ABLIM3: variants seen among roughly 807,000 people sequenced by gnomAD.
The protein encoded by ABLIM3 is actin-binding LIM protein 3.
ABLIM3 carries 61 observed loss-of-function variants against 109.5 expected under a neutral mutation model. That is an observed-to-expected ratio of 0.56 (90% CI 0.45 to 0.69). ABLIM3 has a LOEUF of 0.69. Ranked by LOEUF, ABLIM3 falls within the 30% of genes least tolerant of loss-of-function variation. The pLI is 0.00. For missense variants in ABLIM3, 796 were observed against 889.5 expected, an observed-to-expected ratio of 0.89 and a Z score of 1.34; for synonymous variants, 300 against 324.8, an observed-to-expected ratio of 0.92 and a Z score of 0.82.
intron 2 of ABLIM3, among the ~76,000 whole-genome samples, chr5:149,159,584 G>C (rs1360477924): frequency 6.6e-6 from 1 of 152,142 alleles, no homozygotes; most frequent in South Asian, 2.1e-4. Context: ...TATTCCCTTA[G>C]ATAGAATAGG....
intron 2 of ABLIM3, among the ~76,000 whole-genome samples, chr5:149,171,240 G>A (rs900083287): frequency 6.6e-6 from 1 of 152,048 alleles, no homozygotes; most frequent in African/African-American, 2.4e-5. Flanking sequence ...GGTAGAAAGT[G>A]TTTTTTCTTT....
intron 2 of ABLIM3, among the ~76,000 whole-genome samples, chr5:149,158,303 C>T (rs1754026107): frequency 6.6e-6 from 1 of 152,154 alleles, no homozygotes; most frequent in South Asian, 2.1e-4. Context: ...CTTACAAATC[C>T]ATGTGTGCTC....
chr5:149,249,251 A>G (rs1025321906), intron 18 of ABLIM3, among the ~76,000 whole-genome samples: 3 of 152,244 alleles, frequency 2.0e-5, no homozygotes, highest in Non-Finnish European at 2.9e-5. Context: ...GTTGGCGGCA[A>G]TATGATAAAG....
intron 19 of ABLIM3, 126 bp downstream of exon 19, chr5:149,249,970 A>G: frequency 1.7e-6 from 2 of 1,170,750 alleles, no homozygotes; most frequent in East Asian, 4.7e-5. Context: ...CTGATCTCAA[A>G]TAGTCTACTC....
At chr5:149,162,885 G>A (rs563432475) in intron 2 of ABLIM3, among the ~76,000 whole-genome samples, 170 of 152,326 alleles carry the variant, frequency 1.1e-3, no homozygotes, top group African/African-American at 3.8e-3. Context: ...TTTCTAGGAC[G>A]CGTAACCCAG....
At chr5:149,176,462 G>T (rs1213948251) in intron 2 of ABLIM3, among the ~76,000 whole-genome samples, 1 of 152,114 alleles carries the variant, frequency 6.6e-6, no homozygotes, top group Non-Finnish European at 1.5e-5. Context: ...CTGTTGCATT[G>T]CAGGCAGTTG....
chr5:149,239,172 G>T, intron 11 of ABLIM3, 76 bp from the exon 12 acceptor site: 1 of 1,456,558 alleles, frequency 6.9e-7, no homozygotes, highest in Non-Finnish European at 9.6e-7. Flanking sequence ...ATCTAACCAT[G>T]CTCTGTCCTT....
chr5:149,242,356 T>C, intron 14 of ABLIM3, 135 bp from the exon 15 acceptor site: 1 of 791,332 alleles, frequency 1.3e-6, no homozygotes, highest in Non-Finnish European at 2.1e-6. Flanking sequence ...GGGAAAAAGA[T>C]GGTGGCCCCT....
chr5:149,224,565 C>A (rs1760988234), intron 8 of ABLIM3, among the ~76,000 whole-genome samples: 1 of 152,196 alleles, frequency 6.6e-6, no homozygotes, highest in Non-Finnish European at 1.5e-5. Context: ...AGCCAGCCTG[C>A]CATGTGCTGC....
chr5:149,245,269 A>C (rs1184050667), intron 16 of ABLIM3, among the ~76,000 whole-genome samples: 1 of 152,160 alleles, frequency 6.6e-6, no homozygotes, highest in Non-Finnish European at 1.5e-5. Context: ...CATGAGAGGG[A>C]GGTGATGCGC....
intron 2 of ABLIM3, among the ~76,000 whole-genome samples, chr5:149,158,646 C>A (rs1306371627): frequency 6.6e-6 from 1 of 152,052 alleles, no homozygotes; most frequent in Non-Finnish European, 1.5e-5. Flanking sequence ...AGATCAATAC[C>A]AATACACTAA....
At chr5:149,226,463 A>ATTT (rs1177018709) in intron 8 of ABLIM3, among the ~76,000 whole-genome samples, 1 of 152,086 alleles carries the variant, frequency 6.6e-6, no homozygotes, top group African/African-American at 2.4e-5. Context: ...CAGCCTGGTG[A>ATTT]TAAAGCGAGA....
chr5:149,206,034 C>A (rs1024478541), intron 5 of ABLIM3, among the ~76,000 whole-genome samples: 9 of 152,240 alleles, frequency 5.9e-5, no homozygotes, highest in African/African-American at 2.2e-4. Context: ...ATGGAGCCAA[C>A]AGGGAAGTTT....
intron 13 of ABLIM3, chr5:149,240,376 G>A: frequency 2.1e-6 from 1 of 471,936 alleles, no homozygotes; most frequent in African/African-American, 1.9e-5. Context: ...TTCAAGGATG[G>A]TTGGGGAGAT....
At chr5:149,205,044 C>T (rs774112616) in intron 5 of ABLIM3, among the ~76,000 whole-genome samples, 4 of 152,136 alleles carry the variant, frequency 2.6e-5, no homozygotes, top group Non-Finnish European at 4.4e-5. Context: ...ATGGAATCCA[C>T]AAGTGAATTT....
At position 149,198,120 on chromosome 5, in the gene ABLIM3, T is replaced by G. The variant is rs896754072; in HGVS notation, c.152-99T>G. 1 of 1,212,304 alleles carries G rather than the reference T, an allele frequency of 8.2e-7. No individual in the cohort carries two copies. The highest frequency in any genetic ancestry group is 1.5e-5 in the African/African-American group (1 of 65,440). 75.1% of individuals were successfully genotyped at this position (1,212,304 alleles called of 1,614,324 possible). A position where few individuals can be genotyped will look rare whatever the true frequency, so the allele number is the denominator to read the frequency against. ...CATGCTACCATTCTGTGGCCACTCA[T>G]GACACAGTGAGACACCAGCCTTTCC... On this transcript the variant is annotated intron_variant, in intron 3 of 23. Coordinates refer to ENST00000309868, the MANE Select transcript of ABLIM3 (RefSeq NM_014945.5). The surrounding 1 kb of genome is among the most constrained non-coding windows in gnomAD (Gnocchi z 4.2).
intron 2 of ABLIM3, among the ~76,000 whole-genome samples, chr5:149,149,217 A>G (rs1010123536): frequency 1.3e-5 from 2 of 152,190 alleles, no homozygotes; most frequent in African/African-American, 4.8e-5. Context: ...GTGGTCTTGG[A>G]CAGAATAGAT....
rs138436801 is a variant in ABLIM3 at position 149,251,368 on chromosome 5, G to A, written c.1798G>A (p.Ala600Thr). 2.2e-5 allele frequency: 35 copies of A among 1,614,024 alleles called. No homozygotes were observed. The highest frequency in any genetic ancestry group is 3.3e-4 in the Middle Eastern group (2 of 6,084). Residue 600 changes from alanine (A) to threonine (T), a missense_variant, in exon 21 of 24, where the codon GCA becomes ACA. Transcript: ENST00000309868. ...RRNGLHRTPSADLFHYDSMNA... is the reference protein window; with the variant it reads ...RRNGLHRTPSTDLFHYDSMNA... ...TCTGTCTCTTCTGCAGACACCCAGC[G>A]CAGACCTCTTCCACTACGACAGCAT...
intron 2 of ABLIM3, among the ~76,000 whole-genome samples, chr5:149,175,226 A>T (rs1755818037): frequency 6.6e-6 from 1 of 152,180 alleles, no homozygotes; most frequent in East Asian, 1.9e-4. Flanking sequence ...GCCGGATGGT[A>T]TTTTTGAAAT....
Sources: gnomAD v4.1 joint callset for allele counts (sites outside exome capture counted in the v4.1 genomes callset) on GRCh38, gnomAD v4.1.1 for gene constraint, Gnocchi (gnomAD v3.1) non-coding constraint, MANE v1.5 for transcripts, NCBI Gene and HGNC (gene_info 2026-07-23, HGNC 2026-07-21) for gene names.